Variants in KCNH8 observed in about 807,000 individuals in gnomAD.
KCNH8 encodes potassium voltage-gated channel subfamily H member 8.
KCNH8 carries 70 observed loss-of-function variants against 103.6 expected under a neutral mutation model. The observed-to-expected ratio is 0.68, with a 90% CI of 0.56 to 0.82. The LOEUF is 0.82. KCNH8 is among the 40% of genes least tolerant of loss of function. The probability of loss-of-function intolerance (pLI) is 0.00; values close to 1 mark genes in which losing one functional copy is unlikely to be tolerated. For synonymous variants in KCNH8, 498 were observed against 489.4 expected (o/e 1.02, Z -0.23); for missense variants, 1,217 against 1,329.9 (o/e 0.92, Z 1.32).
intron 2 of KCNH8, among the ~76,000 whole-genome samples, chr3:19,275,747 C>T (rs2064660636): frequency 6.6e-6 from 1 of 152,096 alleles, no homozygotes; most frequent in Admixed American, 6.6e-5. Context: ...TAACATGACA[C>T]CTTTTTTTAG....
chr3:19,496,989 T>C (rs1384768465), intron 11 of KCNH8, among the ~76,000 whole-genome samples: 1 of 152,196 alleles, frequency 6.6e-6, no homozygotes, highest in Non-Finnish European at 1.5e-5. Flanking sequence ...TAGAGGTATA[T>C]GTGTCCAGGA....
rs375605700 is a variant in KCNH8 at position 19,504,579 on chromosome 3, A to G, written c.2041-5784A>G. On this transcript the variant is annotated intron_variant, in intron 11 of 15. Coordinates refer to ENST00000328405, the MANE Select transcript of KCNH8 (RefSeq NM_144633.3). The stretch of plus-strand genomic sequence containing the variant: ...CAAGTGGCCAACAGTCATATGAAAA[A>G]AAGCTCAATATCACTGATCATTAGA... Among the ~76,000 whole-genome samples the G allele has an allele frequency of 2.1e-4, 32 of 152,210 alleles. 2 individuals carry two copies. Among genetic ancestry groups the G allele is most frequent in the Admixed American group, 1.5e-3 (23 of 15,272 alleles).
At chr3:19,500,527 G>A (rs549400395) in intron 11 of KCNH8, among the ~76,000 whole-genome samples, 2 of 152,096 alleles carry the variant, frequency 1.3e-5, no homozygotes, top group Non-Finnish European at 2.9e-5. Context: ...CCACGTACTT[G>A]GAAGTAAAGC....
chr3:19,522,426 T>C (rs1055568859), intron 15 of KCNH8, among the ~76,000 whole-genome samples: 1 of 151,864 alleles, frequency 6.6e-6, no homozygotes, highest in East Asian at 1.9e-4. Context: ...AAGACCAATG[T>C]TTTAGCTCAA....
At chr3:19,413,550 TGAAAAA>T (rs1429245818) in intron 7 of KCNH8, among the ~76,000 whole-genome samples, 1 of 151,854 alleles carries the variant, frequency 6.6e-6, no homozygotes, top group Non-Finnish European at 1.5e-5. Context: ...AAATAAAAGT[TGAAAAA>T]GAAAACAAGA....
chr3:19,242,710 G>C (rs1012961140), intron 1 of KCNH8, among the ~76,000 whole-genome samples: 26 of 152,116 alleles, frequency 1.7e-4, no homozygotes, highest in African/African-American at 6.3e-4. Context: ...CTCTCACTGA[G>C]TAATCTTGTT....
rs1052138704 is a variant in KCNH8 at position 19,535,250 on chromosome 3, G to A, written c.*1151G>A. 4 of 152,214 alleles carry A rather than the reference G, an allele frequency of 2.6e-5. No individual in the cohort carries two copies. The highest frequency in any genetic ancestry group is 9.6e-5 in the African/African-American group (4 of 41,452). 9.4% of individuals were successfully genotyped at this position (152,214 alleles called of 1,614,324 possible). On this transcript the variant is annotated 3_prime_UTR_variant, in exon 16 of 16. Coordinates refer to ENST00000328405, the MANE Select transcript of KCNH8 (RefSeq NM_144633.3). The stretch of plus-strand genomic sequence containing the variant: ...CCCCAAATGGAGCCAAGACTTCTGA[G>A]CTATAACTTGTGGGAGTAATACCAG...
intron 5 of KCNH8, among the ~76,000 whole-genome samples, chr3:19,387,685 C>T (rs2125128904): frequency 6.6e-6 from 1 of 152,094 alleles, no homozygotes; most frequent in Non-Finnish European, 1.5e-5. Flanking sequence ...TAATATATAT[C>T]TAGGTTTTTC....
At chr3:19,232,210 C>T (rs1559433726) in intron 1 of KCNH8, among the ~76,000 whole-genome samples, 1 of 152,184 alleles carries the variant, frequency 6.6e-6, no homozygotes, top group Non-Finnish European at 1.5e-5. Flanking sequence ...TTATTTACTT[C>T]AATCAATAGA....
intron 1 of KCNH8, among the ~76,000 whole-genome samples, chr3:19,202,401 G>A (rs1575433249): frequency 6.6e-6 from 1 of 152,092 alleles, no homozygotes; most frequent in Non-Finnish European, 1.5e-5. Flanking sequence ...TTTAACATGT[G>A]GTTAAATCTG....
chr3:19,329,443 A>C (rs377382911), intron 3 of KCNH8, among the ~76,000 whole-genome samples: 1 of 152,222 alleles, frequency 6.6e-6, no homozygotes, highest in Non-Finnish European at 1.5e-5. Flanking sequence ...CAATAAGAAC[A>C]ATAGGTAAAG....
chr3:19,519,137 C>A (rs1358582126), intron 15 of KCNH8, among the ~76,000 whole-genome samples: 1 of 151,834 alleles, frequency 6.6e-6, no homozygotes, highest in Non-Finnish European at 1.5e-5. Flanking sequence ...GCTCTTCAGG[C>A]AGGCCTGAAG....
At chr3:19,284,544 TGTGTGTGTGAGGGA>T (rs1319599699) in intron 3 of KCNH8, among the ~76,000 whole-genome samples, 6 of 147,596 alleles carry the variant, frequency 4.1e-5, no homozygotes, top group African/African-American at 1.6e-4. Context: ...TGTGTGTGTG[TGTGTGTGTGAGGGA>T]GAGAGAGAGA....
intron 7 of KCNH8, among the ~76,000 whole-genome samples, chr3:19,422,572 T>G (rs1224439386): frequency 3.3e-5 from 5 of 152,106 alleles, no homozygotes; most frequent in Non-Finnish European, 7.4e-5. Context: ...TAAGTAGTGG[T>G]GGGGGCTGCA....
chr3:19,404,886 T>C (rs1366287504), intron 7 of KCNH8, among the ~76,000 whole-genome samples: 1 of 151,906 alleles, frequency 6.6e-6, no homozygotes, highest in Non-Finnish European at 1.5e-5. Flanking sequence ...TTATGGCTCT[T>C]ACTAGGCTTC....
rs544795453 is a variant in KCNH8 at position 19,330,827 on chromosome 3, G to A, written c.443-11760G>A. Among the ~76,000 whole-genome samples, 5 of 152,156 alleles carry A rather than the reference G, an allele frequency of 3.3e-5. No homozygotes were observed. In the South Asian group the frequency reaches 1.0e-3, roughly 32 times the overall value. On this transcript the variant is annotated intron_variant, in intron 3 of 15. Coordinates refer to ENST00000328405, the MANE Select transcript of KCNH8 (RefSeq NM_144633.3). ...CCTCATAACTTATTTAAATTTAGAGGATCACCTATAGGCAAAGGATAATCA... is the reference window on the plus strand; with the variant it reads ...CCTCATAACTTATTTAAATTTAGAGAATCACCTATAGGCAAAGGATAATCA...
intron 11 of KCNH8, among the ~76,000 whole-genome samples, chr3:19,508,848 C>G (rs931197108): frequency 6.6e-6 from 1 of 152,192 alleles, no homozygotes; most frequent in Non-Finnish European, 1.5e-5. Flanking sequence ...CTTGACAGAA[C>G]TCATCTAGTG....
chr3:19,518,069 A>G lies in KCNH8; in HGVS notation c.2614A>G (p.Ser872Gly). 2 of 1,611,242 alleles carry G rather than the reference A, an allele frequency of 1.2e-6. No homozygotes were observed. Among genetic ancestry groups the G allele is most frequent in the Non-Finnish European group, 1.7e-6 (2 of 1,177,912 alleles). Residue 872 changes from serine (S) to glycine (G), a missense_variant, in exon 15 of 16, where the codon AGT becomes GGT. Ser to Gly is a moderately conservative substitution (Grantham distance 56, BLOSUM62 0). This residue lies in a region of KCNH8 where 558 missense variants were observed against 495.8 expected (regional missense o/e 1.13). Transcript: ENST00000328405. ...CAAGCAGCAGATAAACAAACTCAAC[A>G]GTGAGGTATGGAGCTCTTTCTTTGG... ...ETKQQINKLN[S>G]EVTTLTQEVS...
chr3:19,483,961 A>G (rs1247999216), intron 11 of KCNH8, among the ~76,000 whole-genome samples: 2 of 152,172 alleles, frequency 1.3e-5, no homozygotes, highest in African/African-American at 2.4e-5. Flanking sequence ...TTATATTTAT[A>G]TAGTCCTAAT....
Sources: gnomAD v4.1 joint callset for allele counts (sites outside exome capture counted in the v4.1 genomes callset) on GRCh38, gnomAD v4.1.1 for gene constraint, gnomAD v4.1.1 regional missense constraint, MANE v1.5 for transcripts, NCBI Gene and HGNC (gene_info 2026-07-23, HGNC 2026-07-21) for gene names.